Variants in AGBL1 observed in about 807,000 individuals in gnomAD.
The protein encoded by AGBL1 is AGBL carboxypeptidase 1.
In AGBL1, 130 loss-of-function variants were observed where a neutral mutation model predicts 118.9. The ratio of observed to expected loss-of-function variants is 1.09; its 90% confidence interval spans 0.95 to 1.26. The LOEUF is 1.26. AGBL1 is among the 50% of genes most tolerant of loss of function. The pLI is 0.00. For synonymous variants in AGBL1, 555 were observed against 478.9 expected (o/e 1.16, Z -2.08); for missense variants, 1,584 against 1,298.1 (o/e 1.22, Z -3.38).
intron 22 of AGBL1, among the ~76,000 whole-genome samples, chr15:86,815,482 CA>C (rs1445959302): frequency 2.6e-5 from 4 of 152,100 alleles, no homozygotes; most frequent in Admixed American, 6.6e-5. Context: ...TCATTTTTGG[CA>C]AAATGTTCAT....
intron 24 of AGBL1, among the ~76,000 whole-genome samples, chr15:87,001,448 A>C (rs944557293): frequency 1.3e-5 from 2 of 152,066 alleles, no homozygotes; most frequent in East Asian, 3.9e-4. Context: ...ATATGTGTGC[A>C]TGTGTCTTTA....
Position 86,080,293 on chromosome 15 carries a change from A to C in AGBL1, c.51+270A>C, listed in dbSNP as rs1324146421. Reference sequence around the variant, plus strand: ...TGGGTAAAAGATCCGAGTTTTCTAGAAATGGGAAAGGTGGAGAAAAAGCCT... The same window carrying C: ...TGGGTAAAAGATCCGAGTTTTCTAGCAATGGGAAAGGTGGAGAAAAAGCCT... On this transcript the variant is annotated intron_variant, in intron 1 of 22. Coordinates refer to ENST00000614907, the MANE Select transcript of AGBL1 (RefSeq NM_001386094.1). The C allele has an allele frequency of 1.3e-5, 4 of 318,922 alleles. No homozygotes were observed. The Admixed American group carries it at 2.0e-4, about 16-fold the overall frequency. 19.8% of individuals were successfully genotyped at this position (318,922 alleles called of 1,614,324 possible). A position where few individuals can be genotyped will look rare whatever the true frequency, so the allele number is the denominator to read the frequency against.
At chr15:86,700,853 T>C (rs1261055010) in intron 22 of AGBL1, among the ~76,000 whole-genome samples, 1 of 152,108 alleles carries the variant, frequency 6.6e-6, no homozygotes, top group Non-Finnish European at 1.5e-5. Context: ...AATCGATTCA[T>C]CCAAGTGAAA....
chr15:86,740,322 C>T (rs574177106), intron 22 of AGBL1, among the ~76,000 whole-genome samples: 12 of 152,274 alleles, frequency 7.9e-5, no homozygotes, highest in African/African-American at 2.9e-4. Context: ...CTGCTCTGAA[C>T]CTCTGTATAT....
chr15:86,255,852 T>A (rs2078886921), intron 7 of AGBL1, among the ~76,000 whole-genome samples: 1 of 152,234 alleles, frequency 6.6e-6, no homozygotes, highest in African/African-American at 2.4e-5. Flanking sequence ...AAAATTTTTA[T>A]TAATTTTTTT....
chr15:86,698,009 C>T (rs1382933565), intron 22 of AGBL1, among the ~76,000 whole-genome samples: 5 of 151,994 alleles, frequency 3.3e-5, no homozygotes, highest in Admixed American at 2.0e-4. Flanking sequence ...CTAGTATATT[C>T]CTGCAGTAGT....
rs116671305 is a variant in AGBL1, at chr15:86,139,455, A to G, written c.52-2549A>G. ...GGAAGTCTTTCCATCAGAACATTTT[A>G]GTGGATTTCTGTTTCTTGCCTCTGT... On this transcript the variant is annotated intron_variant, in intron 1 of 22. Transcript: ENST00000614907. Among the ~76,000 whole-genome samples, 379 of 152,266 alleles carry G rather than the reference A, an allele frequency of 2.5e-3. 3 individuals carry two copies. Among genetic ancestry groups the G allele is most frequent in the African/African-American group, 8.7e-3 (363 of 41,556 alleles).
At chr15:86,402,179 A>G (rs1443304101) in intron 18 of AGBL1, among the ~76,000 whole-genome samples, 2 of 150,548 alleles carry the variant, frequency 1.3e-5, no homozygotes, top group Non-Finnish European at 2.9e-5. Flanking sequence ...GGTTAAGTGT[A>G]TTTCTAGGTT....
At chr15:86,609,943 T>C (rs2084634293) in intron 21 of AGBL1, among the ~76,000 whole-genome samples, 1 of 152,196 alleles carries the variant, frequency 6.6e-6, no homozygotes, top group African/African-American at 2.4e-5. Context: ...GCCCATTTTA[T>C]GGATGAGGCC....
At chr15:86,925,064 TG>T (rs1202401375) in intron 23 of AGBL1, among the ~76,000 whole-genome samples, 36 of 149,926 alleles carry the variant, frequency 2.4e-4, no homozygotes, top group Admixed American at 8.0e-4. Context: ...ACTGCACCAC[TG>T]CACTCCAGCC....
intron 17 of AGBL1, among the ~76,000 whole-genome samples, chr15:86,335,605 A>C (rs1268516927): frequency 6.6e-6 from 1 of 152,242 alleles, no homozygotes; most frequent in Non-Finnish European, 1.5e-5. Context: ...AAGTTGCAGA[A>C]CACCAAATAT....
At chr15:86,455,129 G>T (rs895367265) in intron 18 of AGBL1, among the ~76,000 whole-genome samples, 6 of 152,158 alleles carry the variant, frequency 3.9e-5, no homozygotes, top group African/African-American at 1.4e-4. Context: ...AATAGCAGCT[G>T]ATGATAAAAG....
chr15:86,707,439 G>A (rs756340737), intron 22 of AGBL1, among the ~76,000 whole-genome samples: 3 of 152,022 alleles, frequency 2.0e-5, no homozygotes, highest in Non-Finnish European at 4.4e-5. Context: ...CTCTGTTTTT[G>A]TTTTTCCCAG....
chr15:86,534,228 C>G (rs1271704816), intron 19 of AGBL1, among the ~76,000 whole-genome samples: 1 of 150,936 alleles, frequency 6.6e-6, no homozygotes, highest in Non-Finnish European at 1.5e-5. Context: ...ATAGTAAGCA[C>G]TGTAACAAAG....
chr15:86,656,976 T>G (rs1007670207), intron 21 of AGBL1, among the ~76,000 whole-genome samples: 3 of 152,206 alleles, frequency 2.0e-5, no homozygotes, highest in African/African-American at 7.2e-5. Flanking sequence ...TTGCCCTGGC[T>G]TTTACCTGCT....
chr15:86,680,100 C>T (rs541711725), intron 22 of AGBL1, among the ~76,000 whole-genome samples: 1 of 152,202 alleles, frequency 6.6e-6, no homozygotes, highest in African/African-American at 2.4e-5. Context: ...TTATTTGAAA[C>T]AAAAATATTA....
At chr15:86,759,106 C>T (rs574800886) in intron 22 of AGBL1, among the ~76,000 whole-genome samples, 3 of 151,932 alleles carry the variant, frequency 2.0e-5, no homozygotes, top group Admixed American at 1.3e-4. Context: ...TGGATCTCTT[C>T]GTATTCCCAT....
At chr15:86,085,380 T>C (rs981570359) in intron 1 of AGBL1, among the ~76,000 whole-genome samples, 1 of 152,096 alleles carries the variant, frequency 6.6e-6, no homozygotes, top group South Asian at 2.1e-4. Context: ...AAGATGGAGA[T>C]GGAAGTTTGG....
intron 1 of AGBL1, among the ~76,000 whole-genome samples, chr15:86,123,928 G>A (rs1002520631): frequency 2.6e-5 from 4 of 152,162 alleles, no homozygotes; most frequent in African/African-American, 9.7e-5. Flanking sequence ...GAGGAGACTC[G>A]GGAGAGATGA....
Sources: allele counts gnomAD v4.1 joint callset (sites outside exome capture counted in the v4.1 genomes callset), GRCh38; gene constraint gnomAD v4.1.1; transcripts MANE v1.5; gene names NCBI Gene and HGNC (gene_info 2026-07-23, HGNC 2026-07-21).